The following TOP6BL variants were observed in gnomAD, a reference collection of about 807,000 sequenced individuals.
The protein encoded by TOP6BL is TOP6B like initiator of meiotic double strand breaks, also known as type 2 DNA topoisomerase 6 subunit B-like.
chr11:66,775,658 G>T, the TOP6BL span, among the ~76,000 whole-genome samples: 1 of 152,148 alleles, frequency 6.6e-6, no homozygotes, highest in South Asian at 2.1e-4. Context: ...GGCTCTTGTT[G>T]GCTTTGAGTT....
the TOP6BL span, chr11:66,839,221 CT>C: frequency 2.2e-6 from 1 of 456,106 alleles, no homozygotes; most frequent in Non-Finnish European, 4.4e-6. Flanking sequence ...CTATTCTGAG[CT>C]TTTAAAATGT....
chr11:66,839,843 A>G, the TOP6BL span, among the ~76,000 whole-genome samples: 1 of 152,156 alleles, frequency 6.6e-6, no homozygotes, highest in African/African-American at 2.4e-5. Flanking sequence ...CCCTGGGGAG[A>G]TGCTGGGGTC....
the TOP6BL span, among the ~76,000 whole-genome samples, chr11:66,807,872 T>C: frequency 6.6e-6 from 1 of 152,238 alleles, no homozygotes; most frequent in Non-Finnish European, 1.5e-5. Context: ...GGCTATATTT[T>C]AAGGAGTAAG....
At chr11:66,784,371 G>A in the TOP6BL span, among the ~76,000 whole-genome samples, 1 of 151,980 alleles carries the variant, frequency 6.6e-6, no homozygotes, top group African/African-American at 2.4e-5. Context: ...GTTTTGCCAA[G>A]GGGTGGTCTC....
chr11:66,801,216 C>T, the TOP6BL span: 2 of 1,086,188 alleles, frequency 1.8e-6, no homozygotes, highest in Admixed American at 2.3e-5. Context: ...CAGGTGTCAG[C>T]TTCTCTATAA....
At chr11:66,840,573 C>G in the TOP6BL span, among the ~76,000 whole-genome samples, 1 of 152,196 alleles carries the variant, frequency 6.6e-6, no homozygotes, top group East Asian at 1.9e-4. Flanking sequence ...CTCTCTCCCT[C>G]ACATCTCAGC....
At chr11:66,746,463 C>A in the TOP6BL span, among the ~76,000 whole-genome samples, 1 of 151,770 alleles carries the variant, frequency 6.6e-6, no homozygotes, top group African/African-American at 2.4e-5. Context: ...GCCTGTAATC[C>A]CAGCACTTTG....
At chr11:66,823,311 A>T in the TOP6BL span, among the ~76,000 whole-genome samples, 1 of 151,786 alleles carries the variant, frequency 6.6e-6, no homozygotes, top group African/African-American at 2.4e-5. Context: ...AAAAAAAAAA[A>T]AAAAGCCAGG....
At chr11:66,815,410 A>C in the TOP6BL span, among the ~76,000 whole-genome samples, 1 of 152,168 alleles carries the variant, frequency 6.6e-6, no homozygotes, top group Non-Finnish European at 1.5e-5. Flanking sequence ...ATTGTATTCT[A>C]AAGGATCAAG....
the TOP6BL span, among the ~76,000 whole-genome samples, chr11:66,762,691 G>GA: frequency 2.6e-5 from 4 of 152,242 alleles, no homozygotes; most frequent in South Asian, 8.3e-4. Context: ...GGCTGGCCTC[G>GA]AACTCCTGAT....
chr11:66,841,734 C>T, the TOP6BL span, among the ~76,000 whole-genome samples: 1 of 152,184 alleles, frequency 6.6e-6, no homozygotes, highest in Non-Finnish European at 1.5e-5. Context: ...GCCGGGAGTT[C>T]AAAGCTGCAG....
the TOP6BL span, among the ~76,000 whole-genome samples, chr11:66,779,403 G>A: frequency 0.011 from 1,740 of 151,402 alleles, 38 homozygotes; most frequent in African/African-American, 0.039. Context: ...AAAAAAACAC[G>A]TGAAAAAATG....
chr11:66,749,927 T>TA, the TOP6BL span, among the ~76,000 whole-genome samples: 1 of 152,110 alleles, frequency 6.6e-6, no homozygotes, highest in African/African-American at 2.4e-5. Context: ...ACATGCTTGA[T>TA]AAAAAACATT....
the TOP6BL span, among the ~76,000 whole-genome samples, chr11:66,761,384 A>T: frequency 3.3e-5 from 5 of 152,226 alleles, no homozygotes; most frequent in African/African-American, 1.2e-4. Context: ...AAAAAAAAGA[A>T]AAAAAGATAA....
the TOP6BL span, chr11:66,788,380 A>T: frequency 1.2e-6 from 1 of 808,446 alleles, no homozygotes; most frequent in Non-Finnish European, 1.9e-6. Context: ...GCTGGAATGA[A>T]ATAAGGCAAT....
the TOP6BL span, among the ~76,000 whole-genome samples, chr11:66,745,955 C>T: frequency 6.6e-6 from 1 of 152,148 alleles, no homozygotes; most frequent in African/African-American, 2.4e-5. Flanking sequence ...GGATTACAGG[C>T]GCACGCCGCT....
the TOP6BL span, among the ~76,000 whole-genome samples, chr11:66,836,684 C>T: frequency 7.3e-6 from 1 of 137,850 alleles, no homozygotes; most frequent in Non-Finnish European, 1.5e-5. Flanking sequence ...GAGACCTCGT[C>T]ACTACAGAAA....
At chr11:66,745,361 A>G in the TOP6BL span, among the ~76,000 whole-genome samples, 1 of 151,612 alleles carries the variant, frequency 6.6e-6, no homozygotes, top group Admixed American at 6.6e-5. Flanking sequence ...GACCCAGTGC[A>G]GACTGGGAGC....
At chr11:66,821,783 C>T in the TOP6BL span, 2 of 1,611,058 alleles carry the variant, frequency 1.2e-6, no homozygotes, top group Non-Finnish European at 1.7e-6. Flanking sequence ...GAATTCACAG[C>T]CTCTTTTCTC....
Sources: allele counts gnomAD v4.1 joint callset (sites outside exome capture counted in the v4.1 genomes callset), GRCh38; gene constraint gnomAD v4.1.1; transcripts MANE v1.5; gene names NCBI Gene and HGNC (gene_info 2026-07-23, HGNC 2026-07-21).